ABCB5: variants seen among roughly 807,000 people sequenced by gnomAD.
The protein encoded by ABCB5 is ATP binding cassette subfamily B member 5, also known as ATP-binding cassette sub-family B member 5.
In ABCB5, 155 loss-of-function variants were observed where a neutral mutation model predicts 144.2. The observed-to-expected ratio is 1.08, with a 90% confidence interval of 0.94 to 1.23. The LOEUF (loss-of-function observed/expected upper bound fraction) is 1.23, where lower values mean the gene tolerates loss of function less well. Among genes scored for constraint, ABCB5 ranks in the 50% most tolerant of loss-of-function variants. The probability of loss-of-function intolerance (pLI) is 0.00; values close to 1 mark genes in which losing one functional copy is unlikely to be tolerated. For missense variants in ABCB5, 1,830 were observed against 1,520.8 expected, an observed-to-expected ratio of 1.20 and a Z score of -3.38; for synonymous variants, 610 against 528.6, an observed-to-expected ratio of 1.15 and a Z score of -2.11.
At chr7:20,729,660 C>T (rs898985982) in intron 23 of ABCB5, among the ~76,000 whole-genome samples, 7 of 152,170 alleles carry the variant, frequency 4.6e-5, no homozygotes, top group Non-Finnish European at 1.0e-4. Context: ...GCTAATCCAT[C>T]ATAAACGTCA....
rs754704565 is a variant in ABCB5, at chr7:20,651,605, T to C, written c.1518T>C (p.Phe506=). The C allele has an allele frequency of 6.2e-7, 1 of 1,614,082 alleles. No homozygotes were observed. The highest frequency in any genetic ancestry group is 8.5e-7 in the Non-Finnish European group (1 of 1,179,972). ...RAAREANAYD[F]IMEFPNKFNT... is the part of the protein sequence containing the mutation. Reference sequence around the variant, plus strand: ...CAAGGGAAGCAAATGCGTATGATTTTATCATGGAGTTTCCTAATGTGAGTA... The same window carrying C: ...CAAGGGAAGCAAATGCGTATGATTTCATCATGGAGTTTCCTAATGTGAGTA... Residue 506 remains phenylalanine, a synonymous_variant, in exon 13 of 28, where the codon TTT becomes TTC. Coordinates refer to ENST00000404938, the MANE Select transcript of ABCB5 (RefSeq NM_001163941.2).
Position 20,647,966 on chromosome 7 carries a change from A to G in ABCB5, c.1096-2A>G. Reference sequence around the variant, plus strand: ...TTATAACATTTCCTTTGTTTTTCCAAGAAACCCAGTATAGATAACTTTTCC... The same window carrying G: ...TTATAACATTTCCTTTGTTTTTCCAGGAAACCCAGTATAGATAACTTTTCC... On this transcript the variant is annotated splice_acceptor_variant, in intron 10 of 27. Coordinates refer to ENST00000404938, the MANE Select transcript of ABCB5 (RefSeq NM_001163941.2). LOFTEE classifies it high-confidence loss of function. 6.4e-7 allele frequency: 1 copy of G among 1,563,144 alleles called. No homozygotes were observed. Among genetic ancestry groups the G allele is most frequent in the African/African-American group, 1.4e-5 (1 of 73,950 alleles).
intron 14 of ABCB5, among the ~76,000 whole-genome samples, chr7:20,678,597 T>G (rs1785685951): frequency 6.6e-6 from 1 of 151,964 alleles, no homozygotes; most frequent in African/African-American, 2.4e-5. Flanking sequence ...TCAGTTATTG[T>G]GCTAGGCATT....
intron 9 of ABCB5, among the ~76,000 whole-genome samples, chr7:20,646,434 A>G (rs185086143): frequency 6.6e-6 from 1 of 152,298 alleles, no homozygotes; most frequent in Non-Finnish European, 1.5e-5. Context: ...CTAGCAGTGA[A>G]AAAGGCCATT....
intron 14 of ABCB5, chr7:20,659,125 G>C: frequency 6.2e-7 from 1 of 1,613,944 alleles, no homozygotes; most frequent in Non-Finnish European, 8.5e-7. Flanking sequence ...CGCTGACCTT[G>C]AACCAGCGCC....
At chr7:20,679,981 G>A (rs911490479) in intron 14 of ABCB5, among the ~76,000 whole-genome samples, 3 of 151,566 alleles carry the variant, frequency 2.0e-5, no homozygotes, top group Admixed American at 2.0e-4. Flanking sequence ...AATAGTAGGG[G>A]GAAAAAAAAA....
At chr7:20,654,327 C>A (rs1012984770) in intron 13 of ABCB5, among the ~76,000 whole-genome samples, 2 of 152,006 alleles carry the variant, frequency 1.3e-5, no homozygotes, top group Non-Finnish European at 2.9e-5. Context: ...GAAACATAAT[C>A]CTAAAAGTTT....
chr7:20,623,405 C>A, intron 2 of ABCB5, 67 bp downstream of exon 2: 1 of 1,259,860 alleles, frequency 7.9e-7, no homozygotes, highest in Non-Finnish European at 1.1e-6. Flanking sequence ...CTTTCCACAC[C>A]TATAGCAAAA....
chr7:20,732,844 CA>C (rs1239140856), intron 23 of ABCB5, among the ~76,000 whole-genome samples: 8 of 152,160 alleles, frequency 5.3e-5, no homozygotes, highest in Non-Finnish European at 1.0e-4. Context: ...GATACAACCT[CA>C]AAATCATGCC....
At chr7:20,753,336 C>T (rs373949217) in intron 26 of ABCB5, 24 bp from the exon 27 acceptor site, 21 of 1,586,890 alleles carry the variant, frequency 1.3e-5, no homozygotes, top group Admixed American at 1.7e-5. Context: ...GACTTGCTTT[C>T]TTAATTGCAT....
intron 16 of ABCB5, 53 bp from the exon 17 acceptor site, chr7:20,698,354 G>C: frequency 6.9e-7 from 1 of 1,449,724 alleles, no homozygotes. Flanking sequence ...AACTTCACTA[G>C]ATTCTGTTAT....
chr7:20,742,558 G>A (rs1480109499), intron 24 of ABCB5, among the ~76,000 whole-genome samples: 2 of 152,130 alleles, frequency 1.3e-5, no homozygotes, highest in African/African-American at 2.4e-5. Context: ...AAAGAAAAAC[G>A]TATTACCCAG....
intron 13 of ABCB5, among the ~76,000 whole-genome samples, chr7:20,652,377 C>G (rs2285555): frequency 0.16 from 24,015 of 152,082 alleles, 2,329 homozygotes; most frequent in Non-Finnish European, 0.21. Flanking sequence ...AGACCAGCTT[C>G]GCCAACATGG....
At chr7:20,743,803 T>C (rs1363839751) in intron 25 of ABCB5, among the ~76,000 whole-genome samples, 2 of 152,084 alleles carry the variant, frequency 1.3e-5, no homozygotes, top group Admixed American at 1.3e-4. Flanking sequence ...AGATTCTCAA[T>C]GAGTGTTTGC....
rs574331694 is a variant in ABCB5, at chr7:20,745,569, T to G, written c.3429+131T>G. The G allele has an allele frequency of 3.5e-5, 33 of 934,130 alleles. No individual in the cohort carries two copies. The African/African-American group carries it at 5.2e-4, about 15-fold the overall frequency. The allele number at this position is 934,130 out of a possible 1,614,324, so 57.9% of individuals were successfully genotyped here. A position where few individuals can be genotyped will look rare whatever the true frequency, so the allele number is the denominator to read the frequency against. On this transcript the variant is annotated intron_variant, in intron 26 of 27. Coordinates refer to ENST00000404938, the MANE Select transcript of ABCB5 (RefSeq NM_001163941.2). The stretch of plus-strand genomic sequence containing the variant: ...TTTATTGCCAGAATCTAAAGTTAGA[T>G]GTAAAACATGAAGTCAGATGCGAAA...
At chr7:20,676,933 G>A (rs192913093) in intron 14 of ABCB5, among the ~76,000 whole-genome samples, 2 of 152,170 alleles carry the variant, frequency 1.3e-5, no homozygotes, top group East Asian at 3.9e-4. Context: ...AAACACAAAT[G>A]ATGAAATTAT....
chr7:20,735,872 G>T (rs1213348561), intron 23 of ABCB5, among the ~76,000 whole-genome samples: 1 of 152,190 alleles, frequency 6.6e-6, no homozygotes, highest in African/African-American at 2.4e-5. Context: ...CTCATTCATT[G>T]ACTGATAAGT....
Position 20,651,562 on chromosome 7 carries a change from A to G in ABCB5, c.1475A>G (p.Glu492Gly), listed in dbSNP as rs1180945416. The stretch of plus-strand genomic sequence containing the variant: ...TATGGACGAGATGATGTGACTGATG[A>G]AGAGATGGAGAGAGCAGCAAGGGAA... ...IKYGRDDVTD[E>G]EMERAAREAN... Residue 492 changes from glutamate to glycine, a missense_variant, in exon 13 of 28, where the codon GAA becomes GGA. Physicochemically the swap from Glu to Gly is moderately conservative, Grantham distance 98. Coordinates refer to ENST00000404938, the MANE Select transcript of ABCB5 (RefSeq NM_001163941.2). The G allele has an allele frequency of 1.2e-6, 2 of 1,613,962 alleles. No homozygotes were observed. The highest frequency in any genetic ancestry group is 2.7e-5 in the African/African-American group (2 of 74,908).
At position 20,722,851 on chromosome 7, in the gene ABCB5, A is replaced by T. The variant is rs114065396; in HGVS notation, c.2422-165A>T. On this transcript the variant is annotated intron_variant, in intron 20 of 27. Coordinates refer to ENST00000404938, the MANE Select transcript of ABCB5 (RefSeq NM_001163941.2). ...AAAAAAATAAAATAAGTAAATAAAT[A>T]AAAATATGTATCTTATTTAATCTCA... is the stretch of plus-strand genomic sequence containing the variant. 2.1e-3 allele frequency among the ~76,000 whole-genome samples: 314 copies of T among 152,216 alleles called. 3 individuals carry two copies. Among genetic ancestry groups the T allele is most frequent in the African/African-American group, 7.3e-3 (303 of 41,548 alleles).
Sources: gnomAD v4.1 joint callset for allele counts (sites outside exome capture counted in the v4.1 genomes callset) on GRCh38, gnomAD v4.1.1 for gene constraint, MANE v1.5 for transcripts, NCBI Gene and HGNC (gene_info 2026-07-23, HGNC 2026-07-21) for gene names.